Variants in SHANK2 observed in about 807,000 individuals in gnomAD.
SHANK2 encodes the protein SH3 and multiple ankyrin repeat domains 2.
In SHANK2, 43 loss-of-function variants were observed where a neutral mutation model predicts 133.7. That is an observed-to-expected ratio of 0.32 (90% CI 0.25 to 0.41). SHANK2 has a LOEUF of 0.41. Among genes scored for constraint, SHANK2 ranks in the 10% least tolerant of loss-of-function variants. SHANK2 has a pLI of 1.00. For synonymous variants in SHANK2, 1,017 were observed against 952.8 expected (o/e 1.07, Z -1.24); for missense variants, 1,994 against 2,235.8 (o/e 0.89, Z 2.18).
intron 17 of SHANK2, among the ~76,000 whole-genome samples, chr11:70,641,794 G>A (rs1425551873): frequency 2.6e-5 from 4 of 152,150 alleles, no homozygotes; most frequent in African/African-American, 7.2e-5. Flanking sequence ...CCAGCATTGC[G>A]GGCACGGACA....
intron 14 of SHANK2, among the ~76,000 whole-genome samples, chr11:70,738,920 T>C (rs1452129191): frequency 6.6e-6 from 1 of 152,178 alleles, no homozygotes; most frequent in Non-Finnish European, 1.5e-5. Context: ...ATCCGGCCCA[T>C]GGAGAAAGAC....
At chr11:70,872,915 G>A (rs1949493367) in intron 11 of SHANK2, 1 of 444,290 alleles carries the variant, frequency 2.3e-6, no homozygotes, top group Non-Finnish European at 4.7e-6. Context: ...GGGGCAGGAG[G>A]AGCACATATC....
chr11:70,777,898 T>C (rs1174162973), intron 14 of SHANK2, among the ~76,000 whole-genome samples: 1 of 152,192 alleles, frequency 6.6e-6, no homozygotes, highest in African/African-American at 2.4e-5. Flanking sequence ...GGCATCCACA[T>C]TACTTTTCTA....
intron 9 of SHANK2, among the ~76,000 whole-genome samples, chr11:71,061,061 C>T (rs1950980810): frequency 2.6e-5 from 4 of 152,236 alleles, no homozygotes; most frequent in Non-Finnish European, 5.9e-5. Flanking sequence ...GTTTCAAAAA[C>T]AGAAAGCCCT....
chr11:70,938,137 T>G (rs1950595974), intron 10 of SHANK2, among the ~76,000 whole-genome samples: 1 of 152,166 alleles, frequency 6.6e-6, no homozygotes, highest in African/African-American at 2.4e-5. Context: ...ACAAATCCGA[T>G]TGGCTCAAAA....
intron 15 of SHANK2, among the ~76,000 whole-genome samples, chr11:70,679,719 T>C (rs1944985258): frequency 6.6e-6 from 1 of 152,160 alleles, no homozygotes; most frequent in South Asian, 2.1e-4. Flanking sequence ...CTGGCGCATT[T>C]TGGGGTATCA....
At chr11:70,681,135 G>A (rs776539033) in intron 15 of SHANK2, among the ~76,000 whole-genome samples, 8 of 152,154 alleles carry the variant, frequency 5.3e-5, no homozygotes, top group Non-Finnish European at 1.2e-4. Context: ...TGGGGCTGCC[G>A]GCACCTGCTG....
rs77748883 is a variant in SHANK2, at chr11:70,902,804, G to A, written c.1108-6237C>T. Among the ~76,000 whole-genome samples, 1,394 of 152,318 alleles carry A rather than the reference G, an allele frequency of 9.2e-3. 17 individuals carry two copies. The highest frequency in any genetic ancestry group is 0.031 in the African/African-American group (1,295 of 41,572). ...CAAGAGTTGGCACTGGGATTAACAA[G>A]TAGAGGAAAGCAGATGGACACCCCG... On this transcript the variant is annotated intron_variant, in intron 10 of 25. Coordinates refer to ENST00000601538, the MANE Select transcript of SHANK2 (RefSeq NM_012309.5).
Position 71,230,506 on chromosome 11 carries a change from T to C in SHANK2, c.-112-5710A>G, listed in dbSNP as rs554053003. The stretch of plus-strand genomic sequence containing the variant: ...ATGGCGTGAACCCGGGAGGTGGAGA[T>C]TGCAGTGAGCCGAGATCGTGCTGCT... On this transcript the variant is annotated intron_variant, in intron 1 of 25. Transcript: ENST00000601538. 2.7e-5 allele frequency among the ~76,000 whole-genome samples: 4 copies of C among 150,724 alleles called. No individual in the cohort carries two copies. The East Asian group carries it at 5.9e-4, about 22-fold the overall frequency.
chr11:70,697,206 A>G (rs1555022397), intron 15 of SHANK2, among the ~76,000 whole-genome samples: 1 of 152,262 alleles, frequency 6.6e-6, no homozygotes, highest in East Asian at 1.9e-4. Context: ...GCTACACAAC[A>G]CTGTGAATGT....
intron 17 of SHANK2, among the ~76,000 whole-genome samples, chr11:70,522,717 C>T (rs1470022446): frequency 7.9e-5 from 12 of 152,158 alleles, no homozygotes; most frequent in Admixed American, 6.5e-4. Flanking sequence ...GGCATCCATT[C>T]GGACCGTGTC....
intron 17 of SHANK2, among the ~76,000 whole-genome samples, chr11:70,513,906 G>A (rs543403225): frequency 6.6e-6 from 1 of 152,208 alleles, no homozygotes; most frequent in East Asian, 1.9e-4. Context: ...AGTCTCAGAA[G>A]GGGGGAAAAT....
intron 2 of SHANK2, among the ~76,000 whole-genome samples, chr11:71,224,150 G>T (rs782188002): frequency 6.6e-5 from 10 of 152,246 alleles, no homozygotes; most frequent in African/African-American, 2.4e-4. Flanking sequence ...GCTGGTGGTA[G>T]TCAGCGTCAA....
intron 9 of SHANK2, among the ~76,000 whole-genome samples, chr11:71,058,691 T>C (rs1421017150): frequency 1.3e-5 from 2 of 152,224 alleles, no homozygotes; most frequent in Non-Finnish European, 2.9e-5. Flanking sequence ...AATTCCATCC[T>C]TACCTACAGT....
intron 11 of SHANK2, among the ~76,000 whole-genome samples, chr11:70,855,890 G>T (rs148107223): frequency 7.4e-4 from 113 of 152,288 alleles, no homozygotes; most frequent in African/African-American, 2.5e-3. Flanking sequence ...TGAATGGATA[G>T]ATGGATGAAT....
chr11:71,059,918 C>T (rs1168415005), intron 9 of SHANK2, among the ~76,000 whole-genome samples: 2 of 152,182 alleles, frequency 1.3e-5, no homozygotes, highest in Non-Finnish European at 2.9e-5. Context: ...GAGTGGGGGG[C>T]TCTGGCCACA....
Position 70,896,526 on chromosome 11 carries a change from G to A in SHANK2, c.1149C>T (p.Ile383=), listed in dbSNP as rs1555075724. ...IAGNFELAEY[I]KNHKETDIVP... ...CAATGTCTGTTTCCTTGTGGTTCTT[G>A]ATGTATTCTGCCAGCTCAAAGTTGC... Residue 383 remains isoleucine (I), a synonymous_variant, in exon 11 of 26, where the codon ATC becomes ATT. Transcript: ENST00000601538. 1 of 718,798 alleles carries A rather than the reference G, an allele frequency of 1.4e-6. No homozygotes were observed. The highest frequency in any genetic ancestry group is 2.0e-5 in the Admixed American group (1 of 49,964). The allele number at this position is 718,798 out of a possible 1,614,324, so 44.5% of individuals were successfully genotyped here.
At chr11:70,663,175 A>G (rs1944608306) in intron 15 of SHANK2, among the ~76,000 whole-genome samples, 1 of 152,188 alleles carries the variant, frequency 6.6e-6, no homozygotes, top group Non-Finnish European at 1.5e-5. Context: ...CCAGGGATGC[A>G]AATTTCAAAC....
At chr11:70,687,963 A>G (rs1320170103) in intron 15 of SHANK2, among the ~76,000 whole-genome samples, 2 of 152,200 alleles carry the variant, frequency 1.3e-5, no homozygotes, top group Non-Finnish European at 2.9e-5. Context: ...GGCTGCTCTG[A>G]GCCAGGAGCC....
Sources: gnomAD v4.1 joint callset for allele counts (sites outside exome capture counted in the v4.1 genomes callset) on GRCh38, gnomAD v4.1.1 for gene constraint, MANE v1.5 for transcripts, NCBI Gene and HGNC (gene_info 2026-07-23, HGNC 2026-07-21) for gene names.